Variants in ERMARD observed in about 807,000 individuals in gnomAD.
ERMARD encodes the protein endoplasmic reticulum membrane-associated RNA degradation protein.
ERMARD carries 71 observed loss-of-function variants against 83.9 expected under a neutral mutation model. The observed-to-expected ratio is 0.85, with a 90% CI of 0.70 to 1.03. ERMARD has a LOEUF of 1.03. ERMARD is among the 50% of genes least tolerant of loss of function. The pLI is 0.00. For synonymous variants in ERMARD, 284 were observed against 298.6 expected (o/e 0.95, Z 0.50); for missense variants, 838 against 810.9 (o/e 1.03, Z -0.41).
chr6:169,773,802 C>G (rs1007927843), intron 13 of ERMARD, among the ~76,000 whole-genome samples: 2 of 152,158 alleles, frequency 1.3e-5, no homozygotes, highest in African/African-American at 4.8e-5. Context: ...CTTACTGAGA[C>G]AAACAATTTT....
At chr6:169,762,834 C>T (rs79261793) in intron 9 of ERMARD, among the ~76,000 whole-genome samples, 7 of 152,306 alleles carry the variant, frequency 4.6e-5, no homozygotes, top group South Asian at 2.1e-4. Flanking sequence ...GAGATGGCTG[C>T]GGTCTAGCCG....
At chr6:169,778,711 A>AC (rs1793871274) in intron 16 of ERMARD, among the ~76,000 whole-genome samples, 1 of 152,234 alleles carries the variant, frequency 6.6e-6, no homozygotes, top group Non-Finnish European at 1.5e-5. Context: ...ACATGTCTCA[A>AC]CTAGTTTCAT....
chr6:169,776,339 C>T, intron 15 of ERMARD, 116 bp from the exon 16 acceptor site: 1 of 1,552,958 alleles, frequency 6.4e-7, no homozygotes, highest in Non-Finnish European at 8.7e-7. Context: ...TGCAGACCAA[C>T]CAGCGATACG....
In ERMARD at chr6:169,760,711, T is replaced by G. The variant is rs1791439092; in HGVS notation, c.812T>G (p.Met271Arg). The G allele has an allele frequency of 1.2e-6, 2 of 1,614,052 alleles. No homozygotes were observed. The highest frequency in any genetic ancestry group is 1.7e-6 in the Non-Finnish European group (2 of 1,179,932). Residue 271 changes from methionine to arginine, a missense_variant, in exon 8 of 18, where the codon ATG (methionine) becomes AGG (arginine). Met to Arg is a moderately conservative substitution (Grantham distance 91, BLOSUM62 -1). Transcript: ENST00000366773. ...AAATCTGCTTTTATATTAAAAATCA[T>G]GTTACCATATTGGGAAGTTGCACTG... is the stretch of plus-strand genomic sequence containing the variant. ...MMKSAFILKI[M>R]LPYWEVALVK...
chr6:169,776,618 GTGGAAAGGACGC>G lies in ERMARD; in HGVS notation c.1687_1698del (p.Glu563_Leu566del), dbSNP rs761453445. The G allele has an allele frequency of 2.5e-6, 4 of 1,614,228 alleles. No homozygotes were observed. The Admixed American group carries it at 5.0e-5, about 20-fold the overall frequency. On this transcript the variant is annotated inframe_deletion, in exon 16 of 18. Transcript: ENST00000366773. ...CTCAGAGCTGAGACACAGGCAGTGGGTGGAAAGGACGCTGCGGTCTCGCCAGCGGCAGAACTA... is the reference window on the plus strand; with the variant it reads ...CTCAGAGCTGAGACACAGGCAGTGGGTGCGGTCTCGCCAGCGGCAGAACTA...
At chr6:169,751,724 G>T in intron 1 of ERMARD, 61 bp downstream of exon 1, 3 of 1,506,284 alleles carry the variant, frequency 2.0e-6, no homozygotes, top group Non-Finnish European at 2.7e-6. Flanking sequence ...CGCCAGGCTG[G>T]GTGGTGCTCG....
intron 1 of ERMARD, chr6:169,751,960 G>A (rs2128338576): frequency 2.3e-6 from 1 of 433,558 alleles, no homozygotes; most frequent in East Asian, 3.9e-5. Context: ...TGTGCGCGGT[G>A]GCGCGGGGGC....
chr6:169,760,476 G>A (rs1003249354), intron 7 of ERMARD, among the ~76,000 whole-genome samples, 166 bp from the exon 8 acceptor site: 1 of 152,048 alleles, frequency 6.6e-6, no homozygotes, highest in East Asian at 1.9e-4. Context: ...CCTGCACCTC[G>A]GGCCCTTGGT....
rs754249759 is a variant in ERMARD at position 169,781,415 on chromosome 6, C to CTTACAGCTTTG, written c.1944_1945insGCTTTGTTACA (p.His649AlafsTer9). ...GAACAAGTGGAATGAAACTATCAAT[C>CTTACAGCTTTG]TTACACATACAGCTTTGTTGAAAAT... On this transcript the variant is annotated frameshift_variant, in exon 18 of 18. Coordinates refer to ENST00000366773, the MANE Select transcript of ERMARD (RefSeq NM_018341.3). LOFTEE classifies it low-confidence loss of function (END_TRUNC). The CTTACAGCTTTG allele has an allele frequency of 6.8e-6, 11 of 1,613,472 alleles. No individual in the cohort carries two copies. In the South Asian group the frequency reaches 1.2e-4, roughly 18 times the overall value.
chr6:169,780,553 ACAGCAACAGCT>A (rs1794086989), intron 17 of ERMARD, among the ~76,000 whole-genome samples: 1 of 152,210 alleles, frequency 6.6e-6, no homozygotes, highest in African/African-American at 2.4e-5. Context: ...AATCTCTTTA[ACAGCAACAGCT>A]GTCTCAGTGG....
intron 6 of ERMARD, among the ~76,000 whole-genome samples, chr6:169,759,350 A>C (rs577332003): frequency 1.3e-5 from 2 of 152,282 alleles, no homozygotes; most frequent in African/African-American, 4.8e-5. Flanking sequence ...TAGGGTCTTC[A>C]TCAGAGTGTC....
Position 169,751,624 on chromosome 6 carries a change from C to T in ERMARD, c.-34C>T. The T allele has an allele frequency of 1.3e-6, 2 of 1,576,554 alleles. No homozygotes were observed. Among genetic ancestry groups the T allele is most frequent in the East Asian group, 2.3e-5 (1 of 42,824 alleles). On this transcript the variant is annotated 5_prime_UTR_variant, in exon 1 of 18. Transcript: ENST00000366773. ...AGGAGGGGCGCGCAGGCGCCTGCGT[C>T]ATTCACGCGCGCCGCAGCGGGGCAC... is the stretch of plus-strand genomic sequence containing the variant.
At chr6:169,779,316 C>T (rs773312383) in intron 17 of ERMARD, 21 bp downstream of exon 17, 1 of 1,598,972 alleles carries the variant, frequency 6.3e-7, no homozygotes, top group Non-Finnish European at 8.6e-7. Context: ...CACAGTATGT[C>T]TGCAGTCACA....
chr6:169,751,520 G>A (rs1040175261), upstream of ERMARD: 6 of 1,611,106 alleles, frequency 3.7e-6, no homozygotes, highest in Admixed American at 1.7e-5. Flanking sequence ...AAACGCCCTA[G>A]CCAGTCCCGC....
At chr6:169,767,851 C>A in intron 10 of ERMARD, 1 of 520,678 alleles carries the variant, frequency 1.9e-6, no homozygotes, top group South Asian at 2.2e-5. Context: ...CATATACACA[C>A]CACACATATT....
At position 169,778,029 on chromosome 6, in the gene ERMARD, G is replaced by A. The variant is rs1211830764; in HGVS notation, c.1740-1153G>A. ...CCCACCCTGGACAGGACGCGTTTCC[G>A]TCGCAGGACGAGTCACACACCCACA... On this transcript the variant is annotated intron_variant, in intron 16 of 17. Coordinates refer to ENST00000366773, the MANE Select transcript of ERMARD (RefSeq NM_018341.3). Among the ~76,000 whole-genome samples, 7 of 152,324 alleles carry A rather than the reference G, an allele frequency of 4.6e-5. No homozygotes were observed. In the South Asian group the frequency reaches 1.2e-3, roughly 27 times the overall value.
chr6:169,756,344 C>A lies in ERMARD; in HGVS notation c.322C>A (p.Pro108Thr). The change falls in exon 4 of 18, where the codon CCT becomes ACT. Residue 108 changes from proline to threonine, a missense_variant. By Grantham distance (38) the Pro-to-Thr change is conservative. Coordinates refer to ENST00000366773, the MANE Select transcript of ERMARD (RefSeq NM_018341.3). Reference protein sequence around the residue: ...FQWTSFPELFPEIFDALESLQ... With the variant: ...FQWTSFPELFTEIFDALESLQ... ...TGTGTTTTATTGTAAATAGTTATTT[C>A]CTGAAATATTTGATGCCTTGGAAAG... 2 of 1,593,808 alleles carry A rather than the reference C, an allele frequency of 1.3e-6. No individual in the cohort carries two copies. Among genetic ancestry groups the A allele is most frequent in the South Asian group, 1.1e-5 (1 of 88,730 alleles).
At chr6:169,773,291 A>G (rs763567271) in intron 12 of ERMARD, 28 bp from the exon 13 acceptor site, 2 of 1,607,302 alleles carry the variant, frequency 1.2e-6, no homozygotes, top group Non-Finnish European at 1.7e-6. Flanking sequence ...CCCAAACATG[A>G]TAGTAACCAC....
chr6:169,768,217 T>G (rs374307445), intron 11 of ERMARD, 46 bp downstream of exon 11: 20 of 1,527,302 alleles, frequency 1.3e-5, no homozygotes, highest in Non-Finnish European at 1.6e-5. Flanking sequence ...TATTTATGGA[T>G]GTCGTCAGCA....
Sources: gnomAD v4.1 joint callset for allele counts (sites outside exome capture counted in the v4.1 genomes callset) on GRCh38, gnomAD v4.1.1 for gene constraint, MANE v1.5 for transcripts, NCBI Gene and HGNC (gene_info 2026-07-23, HGNC 2026-07-21) for gene names.